The following BCKDHB variants were observed in gnomAD, a reference collection of about 807,000 sequenced individuals.
BCKDHB encodes 2-oxoisovalerate dehydrogenase subunit beta, mitochondrial.
A neutral mutation model predicts 48.5 loss-of-function variants in BCKDHB; 41 were observed. That is an observed-to-expected ratio of 0.85 (90% CI 0.66 to 1.10). The LOEUF (loss-of-function observed/expected upper bound fraction) is 1.10, where lower values mean the gene tolerates loss of function less well. BCKDHB is among the 50% of genes least tolerant of loss of function. BCKDHB has a pLI of 0.00. For missense variants in BCKDHB, 496 were observed against 494.2 expected (o/e 1.00, Z -0.03); for synonymous variants, 201 against 174.8 (o/e 1.15, Z -1.18).
chr6:80,207,841 AAAAT>A (rs750218073), intron 8 of BCKDHB, among the ~76,000 whole-genome samples: 11 of 151,982 alleles, frequency 7.2e-5, no homozygotes, highest in East Asian at 1.9e-4. Context: ...ACATAGTTTG[AAAAT>A]AAATAAAGCC....
At chr6:80,414,148 A>G in the BCKDHB span, among the ~76,000 whole-genome samples, 3 of 151,078 alleles carry the variant, frequency 2.0e-5, no homozygotes, top group Non-Finnish European at 3.0e-5. Context: ...TAATGGGGTT[A>G]TTTGTTTTTT....
intron 6 of BCKDHB, among the ~76,000 whole-genome samples, chr6:80,183,072 T>C (rs1773486693): frequency 6.6e-6 from 1 of 152,178 alleles, no homozygotes; most frequent in Admixed American, 6.5e-5. Flanking sequence ...TGCTTGTATA[T>C]ATATGTGTAT....
intron 8 of BCKDHB, among the ~76,000 whole-genome samples, chr6:80,231,245 T>C (rs780077076): frequency 1.3e-5 from 2 of 151,896 alleles, no homozygotes; most frequent in Admixed American, 1.3e-4. Flanking sequence ...AGTAAAACAA[T>C]AGAAAAAAAT....
chr6:80,217,770 C>T (rs753167726), intron 8 of BCKDHB, among the ~76,000 whole-genome samples: 43 of 152,126 alleles, frequency 2.8e-4, no homozygotes, highest in Non-Finnish European at 3.5e-4. Context: ...ATTGGATTCT[C>T]CATGCATGCT....
At chr6:80,220,734 CTT>C (rs67235328) in intron 8 of BCKDHB, among the ~76,000 whole-genome samples, 24 of 121,910 alleles carry the variant, frequency 2.0e-4, no homozygotes, top group East Asian at 7.7e-4. Context: ...TTTTCTTTTT[CTT>C]TTTTTTTTTT....
At chr6:80,181,360 T>G (rs1436242653) in intron 6 of BCKDHB, among the ~76,000 whole-genome samples, 1 of 152,208 alleles carries the variant, frequency 6.6e-6, no homozygotes, top group Non-Finnish European at 1.5e-5. Flanking sequence ...TTAAAAATAT[T>G]TATTTTTCTC....
At chr6:80,445,833 TC>T in the BCKDHB span, among the ~76,000 whole-genome samples, 3 of 152,138 alleles carry the variant, frequency 2.0e-5, no homozygotes, top group Non-Finnish European at 4.4e-5. Context: ...ATTTTATTAT[TC>T]CCCCAGCAAA....
At chr6:80,212,331 G>A (rs1774975290) in intron 8 of BCKDHB, among the ~76,000 whole-genome samples, 1 of 152,104 alleles carries the variant, frequency 6.6e-6, no homozygotes. Flanking sequence ...CCCCAGGAAT[G>A]CATTCCTTTC....
intron 1 of BCKDHB, among the ~76,000 whole-genome samples, chr6:80,109,530 G>A (rs976208942): frequency 6.6e-6 from 1 of 152,146 alleles, no homozygotes; most frequent in Non-Finnish European, 1.5e-5. Context: ...GTATAATAGT[G>A]TGAGTATTGG....
At chr6:80,377,526 A>G in the BCKDHB span, among the ~76,000 whole-genome samples, 145,454 of 152,200 alleles carry the variant, frequency 0.96, 69,871 homozygotes, top group Middle Eastern at 1. Context: ...TTCTTTATAT[A>G]GTATGAAGTA....
At chr6:80,170,649 C>G (rs1772864812) in intron 5 of BCKDHB, among the ~76,000 whole-genome samples, 3 of 152,124 alleles carry the variant, frequency 2.0e-5, no homozygotes, top group African/African-American at 7.2e-5. Context: ...CGTGTACTTC[C>G]TACTGTCATT....
intron 9 of BCKDHB, among the ~76,000 whole-genome samples, chr6:80,301,753 A>G (rs1767596040): frequency 6.6e-6 from 1 of 152,172 alleles, no homozygotes; most frequent in South Asian, 2.1e-4. Context: ...TCAACAGAAT[A>G]CTAGCAAACC....
intron 8 of BCKDHB, among the ~76,000 whole-genome samples, chr6:80,212,849 A>G (rs955492766): frequency 1.3e-5 from 2 of 152,204 alleles, no homozygotes; most frequent in Non-Finnish European, 2.9e-5. Flanking sequence ...CTTATGTGAT[A>G]CTGAATCCTA....
At chr6:80,423,637 A>G in the BCKDHB span, among the ~76,000 whole-genome samples, 1 of 152,182 alleles carries the variant, frequency 6.6e-6, no homozygotes, top group Non-Finnish European at 1.5e-5. Flanking sequence ...GTCACCAATT[A>G]CTATATAGGT....
At chr6:80,359,589 A>G in the BCKDHB span, among the ~76,000 whole-genome samples, 3 of 151,838 alleles carry the variant, frequency 2.0e-5, no homozygotes, top group Non-Finnish European at 2.9e-5. Context: ...CTTGTTTCTT[A>G]TTGTTGTTGT....
chr6:80,255,330 C>T (rs1452816566), intron 8 of BCKDHB, among the ~76,000 whole-genome samples: 1 of 152,172 alleles, frequency 6.6e-6, no homozygotes, highest in East Asian at 1.9e-4. Context: ...AATGTTTCTA[C>T]TGTTTTTCAA....
the BCKDHB span, among the ~76,000 whole-genome samples, chr6:80,432,027 C>T: frequency 6.6e-6 from 1 of 151,682 alleles, no homozygotes; most frequent in African/African-American, 2.4e-5. Context: ...GGCCCCCATG[C>T]TCTTCTGGCT....
downstream of BCKDHB, among the ~76,000 whole-genome samples, chr6:80,350,934 C>T (rs1039949702): frequency 2.0e-5 from 3 of 152,092 alleles, no homozygotes; most frequent in African/African-American, 2.4e-5. Context: ...CCTAGAGTAA[C>T]GCTTGGTCTA....
intron 9 of BCKDHB, among the ~76,000 whole-genome samples, chr6:80,320,590 C>T (rs866150729): frequency 6.6e-6 from 1 of 152,174 alleles, no homozygotes; most frequent in African/African-American, 2.4e-5. Context: ...ATTCAGCGAC[C>T]GTTTCCAGGG....
Sources: gnomAD v4.1 joint callset for allele counts (sites outside exome capture counted in the v4.1 genomes callset) on GRCh38, gnomAD v4.1.1 for gene constraint, MANE v1.5 for transcripts, NCBI Gene and HGNC (gene_info 2026-07-23, HGNC 2026-07-21) for gene names.